R3HDM1: variants seen among roughly 807,000 people sequenced by gnomAD.
R3HDM1 encodes R3H domain containing 1, also known as R3H domain-containing protein 1.
A neutral mutation model predicts 141.1 loss-of-function variants in R3HDM1; 46 were observed. The observed-to-expected ratio is 0.33, with a 90% CI of 0.26 to 0.42. The LOEUF (loss-of-function observed/expected upper bound fraction) is 0.42, where lower values mean the gene tolerates loss of function less well. Ranked by LOEUF, R3HDM1 falls within the 10% of genes least tolerant of loss-of-function variation. The pLI, the probability that R3HDM1 is intolerant of heterozygous loss-of-function variation, is 1.00. For missense variants in R3HDM1, 1,184 were observed against 1,368.3 expected, an observed-to-expected ratio of 0.87 and a Z score of 2.12; for synonymous variants, 435 against 472.9, an observed-to-expected ratio of 0.92 and a Z score of 1.04.
intron 1 of R3HDM1, chr2:135,577,049 A>C (rs1295569759): frequency 1.1e-6 from 1 of 897,438 alleles, no homozygotes; most frequent in African/African-American, 1.8e-5. Flanking sequence ...CAAAAGAAAA[A>C]AAAAAAACCT....
chr2:135,553,595 A>C (rs966768796), intron 1 of R3HDM1, among the ~76,000 whole-genome samples: 2 of 152,222 alleles, frequency 1.3e-5, no homozygotes, highest in Non-Finnish European at 2.9e-5. Context: ...ATGTTTTTAC[A>C]AGTTTGTATA....
At chr2:135,590,653 C>G in intron 1 of R3HDM1, 1 of 985,364 alleles carries the variant, frequency 1.0e-6, no homozygotes, top group Non-Finnish European at 1.2e-6. Flanking sequence ...TCTGCTAGCT[C>G]TACATGTATA....
rs73956761 is a variant in R3HDM1 at position 135,597,345 on chromosome 2, T to G, written c.-249-5155T>G. ...CCTTCTGTGGTTATTTGGTAAATTT[T>G]TGTTAAATGACAGTAACTGTTTACA... is the stretch of plus-strand genomic sequence containing the variant. On this transcript the variant is annotated intron_variant, in intron 1 of 26. Coordinates refer to ENST00000683871, the MANE Select transcript of R3HDM1 (RefSeq NM_001378107.1). 2.3e-3 allele frequency: 2,093 copies of G among 891,260 alleles called. 34 individuals are homozygous for G. In the African/African-American group the frequency reaches 0.036, roughly 15 times the overall value. The allele number at this position is 891,260 out of a possible 1,614,324, so 55.2% of individuals were successfully genotyped here. A position where few individuals can be genotyped will look rare whatever the true frequency, so the allele number is the denominator to read the frequency against.
At position 135,531,709 on chromosome 2, in the gene R3HDM1, C is replaced by G. The variant is rs1413899940; in HGVS notation, c.-250+76C>G. ...TTGCTCCCCTCCCCCGCCCGCCAAC[C>G]GGTAGCGCTAACGGAGAAGGAGGCA... On this transcript the variant is annotated intron_variant, in intron 1 of 26. Coordinates refer to ENST00000683871, the MANE Select transcript of R3HDM1 (RefSeq NM_001378107.1). 12 of 986,150 alleles carry G rather than the reference C, an allele frequency of 1.2e-5. No homozygotes were observed. The South Asian group carries it at 4.7e-4, about 39-fold the overall frequency. 61.1% of individuals were successfully genotyped at this position (986,150 alleles called of 1,614,324 possible). A position where few individuals can be genotyped will look rare whatever the true frequency, so the allele number is the denominator to read the frequency against.
chr2:135,532,003 T>A (rs1220925319), intron 1 of R3HDM1, among the ~76,000 whole-genome samples: 1 of 152,184 alleles, frequency 6.6e-6, no homozygotes, highest in Non-Finnish European at 1.5e-5. Flanking sequence ...GTCCCTGCCA[T>A]GGCTGCTGCT....
Position 135,675,314 on chromosome 2 carries a change from C to T in R3HDM1, c.2153-18C>T. On this transcript the variant is annotated intron_variant, in intron 19 of 26. Transcript: ENST00000683871. ...GAAATGAATTCAGAGCAGGATTTAA[C>T]TCATTGTACCATTACAGGTTATCAA... 1 of 1,600,204 alleles carries T rather than the reference C, an allele frequency of 6.2e-7. No individual in the cohort carries two copies. The highest frequency in any genetic ancestry group is 8.5e-7 in the Non-Finnish European group (1 of 1,171,616).
At chr2:135,716,511 T>C (rs1354212323) in intron 24 of R3HDM1, among the ~76,000 whole-genome samples, 1 of 152,108 alleles carries the variant, frequency 6.6e-6, no homozygotes, top group Non-Finnish European at 1.5e-5. Flanking sequence ...CTAAGGATAA[T>C]GCACACAAAG....
chr2:135,636,108 T>C lies in R3HDM1; in HGVS notation c.828T>C (p.Asp276=), dbSNP rs1225597385. 1.3e-5 allele frequency: 21 copies of C among 1,612,714 alleles called. No individual in the cohort carries two copies. The highest frequency in any genetic ancestry group is 1.7e-5 in the Non-Finnish European group (20 of 1,179,490). ...DDNQMRIRLK[D]DRRSKSIEER... is the part of the protein sequence containing the mutation. The stretch of plus-strand genomic sequence containing the variant: ...TGTAGATGAGAATACGTTTGAAAGA[T>C]GACAGAAGAAGCAAATCTATAGAAG... The change falls in exon 11 of 27, where the codon GAT becomes GAC. Residue 276 remains aspartate (D), a synonymous_variant. Transcript: ENST00000683871.
intron 2 of R3HDM1, among the ~76,000 whole-genome samples, chr2:135,603,954 A>C (rs1055974061): frequency 4.6e-5 from 7 of 152,298 alleles, no homozygotes; most frequent in African/African-American, 1.7e-4. Context: ...AATGAGTGCT[A>C]TCTTTAGCTT....
At chr2:135,699,968 C>T (rs1236996765) in intron 21 of R3HDM1, among the ~76,000 whole-genome samples, 5 of 152,238 alleles carry the variant, frequency 3.3e-5, no homozygotes, top group African/African-American at 9.6e-5. Flanking sequence ...TGCATAGAGA[C>T]GTTTAAACAT....
At chr2:135,581,455 T>A in intron 1 of R3HDM1, 1 of 935,180 alleles carries the variant, frequency 1.1e-6, no homozygotes, top group Non-Finnish European at 1.3e-6. Flanking sequence ...TCACCATTGG[T>A]TGTGGACTGT....
At chr2:135,601,138 G>A (rs2059589802) in intron 1 of R3HDM1, among the ~76,000 whole-genome samples, 1 of 152,136 alleles carries the variant, frequency 6.6e-6, no homozygotes. Flanking sequence ...GAGATAAAAA[G>A]CTAAAATGGA....
At chr2:135,549,570 AAAAAAAAAAAAC>A (rs1245394065) in intron 1 of R3HDM1, among the ~76,000 whole-genome samples, 6 of 151,064 alleles carry the variant, frequency 4.0e-5, no homozygotes, top group Non-Finnish European at 8.8e-5. Context: ...TCAAAAAAAA[AAAAAAAAAAAAC>A]AAAAACAAAA....
intron 1 of R3HDM1, chr2:135,561,231 CA>C (rs1701739332): frequency 1.1e-6 from 1 of 882,128 alleles, no homozygotes; most frequent in Non-Finnish European, 1.4e-6. Context: ...CATTGATGGA[CA>C]ACTTTGTAAC....
intron 1 of R3HDM1, among the ~76,000 whole-genome samples, chr2:135,595,881 T>G (rs1302100149): frequency 3.9e-5 from 6 of 152,204 alleles, no homozygotes; most frequent in Non-Finnish European, 5.9e-5. Context: ...TTCATTTTGT[T>G]TGCTAGAACA....
intron 7 of R3HDM1, among the ~76,000 whole-genome samples, chr2:135,630,299 A>AAAAC (rs2062560973): frequency 6.8e-6 from 1 of 146,634 alleles, no homozygotes; most frequent in African/African-American, 2.7e-5. Flanking sequence ...AAAAAAAAAA[A>AAAAC]AAAAAAAAAC....
intron 3 of R3HDM1, among the ~76,000 whole-genome samples, chr2:135,615,463 C>A (rs76362660): frequency 0.016 from 2,417 of 152,244 alleles, 48 homozygotes; most frequent in African/African-American, 0.053. Flanking sequence ...GCTGGTTTCC[C>A]AAACCAAAGC....
chr2:135,620,439 G>C, intron 5 of R3HDM1: 1 of 922,126 alleles, frequency 1.1e-6, no homozygotes, highest in Non-Finnish European at 1.3e-6. Context: ...AAACAAGACA[G>C]AGAGTGCAAA....
At chr2:135,681,849 A>T (rs2070364095) in intron 21 of R3HDM1, among the ~76,000 whole-genome samples, 1 of 151,956 alleles carries the variant, frequency 6.6e-6, no homozygotes, top group Admixed American at 6.6e-5. Context: ...TATAAGGAAA[A>T]CAGTGGGAGT....
Sources: gnomAD v4.1 joint callset for allele counts (sites outside exome capture counted in the v4.1 genomes callset) on GRCh38, gnomAD v4.1.1 for gene constraint, MANE v1.5 for transcripts, NCBI Gene and HGNC (gene_info 2026-07-23, HGNC 2026-07-21) for gene names.